The following CPED1 variants were observed in gnomAD, a reference collection of about 807,000 sequenced individuals.
CPED1 encodes cadherin like and PC-esterase domain containing 1, also known as cadherin-like and PC-esterase domain-containing protein 1.
In CPED1, 114 loss-of-function variants were observed where a neutral mutation model predicts 128.2. The ratio of observed to expected loss-of-function variants is 0.89; its 90% CI spans 0.76 to 1.04. The LOEUF (loss-of-function observed/expected upper bound fraction) is 1.04. CPED1 is among the 50% of genes least tolerant of loss of function. The pLI, the probability that CPED1 is intolerant of heterozygous loss-of-function variation, is 0.00. For missense variants in CPED1, 1,211 were observed against 1,207.1 expected (o/e 1.00, Z -0.05); for synonymous variants, 462 against 426.7 (o/e 1.08, Z -1.02).
intron 16 of CPED1, among the ~76,000 whole-genome samples, chr7:121,216,866 G>A (rs1441628784): frequency 6.6e-6 from 1 of 152,054 alleles, no homozygotes; most frequent in Non-Finnish European, 1.5e-5. Flanking sequence ...AGGACTTACA[G>A]ACTCCCTGTT....
intron 5 of CPED1, among the ~76,000 whole-genome samples, chr7:121,065,094 G>A (rs1793793086): frequency 6.6e-6 from 1 of 152,118 alleles, no homozygotes; most frequent in African/African-American, 2.4e-5. Flanking sequence ...GTTGAATCAG[G>A]AAACAAATAA....
At chr7:121,272,305 T>A (rs2116757213) in intron 22 of CPED1, among the ~76,000 whole-genome samples, 1 of 152,252 alleles carries the variant, frequency 6.6e-6, no homozygotes, top group South Asian at 2.1e-4. Context: ...AGAGACGGGA[T>A]GCTAAGGACA....
chr7:121,213,001 A>G (rs568106272), intron 16 of CPED1, among the ~76,000 whole-genome samples: 1 of 152,032 alleles, frequency 6.6e-6, no homozygotes, highest in East Asian at 2.0e-4. Flanking sequence ...ATTTGGCCTG[A>G]TTTATGTACA....
chr7:121,247,208 C>T (rs1016340361), intron 18 of CPED1, among the ~76,000 whole-genome samples: 2 of 152,130 alleles, frequency 1.3e-5, no homozygotes, highest in Non-Finnish European at 2.9e-5. Context: ...AGAATAATCC[C>T]GTTGATGTAA....
chr7:121,286,963 G>A (rs943707095), intron 22 of CPED1, among the ~76,000 whole-genome samples: 4 of 152,150 alleles, frequency 2.6e-5, no homozygotes, highest in Admixed American at 2.6e-4. Flanking sequence ...TCTTCACAAG[G>A]TGGCAGGAAG....
Position 121,100,023 on chromosome 7 carries a change from C to T in CPED1, c.847C>T (p.Pro283Ser). The change falls in exon 7 of 23, where the codon CCT becomes TCT. Residue 283 changes from proline (P) to serine (S), a missense_variant. By Grantham distance (74) the Pro-to-Ser change is moderately conservative. Coordinates refer to ENST00000310396, the MANE Select transcript of CPED1 (RefSeq NM_024913.5). ...GTATGTGTTGGTGACGTCCTTAACC[C>T]CTTTGCGTGCATTCATTCATTCGAC... ...KAYVLVTSLTPLRAFIHSTGT... is the reference protein window; with the variant it reads ...KAYVLVTSLTSLRAFIHSTGT... 6.2e-7 allele frequency: 1 copy of T among 1,613,566 alleles called. No homozygotes were observed. Among genetic ancestry groups the T allele is most frequent in the South Asian group, 1.1e-5 (1 of 91,044 alleles).
At chr7:121,035,435 T>C (rs891996014) in intron 3 of CPED1, among the ~76,000 whole-genome samples, 2 of 152,122 alleles carry the variant, frequency 1.3e-5, no homozygotes, top group Non-Finnish European at 2.9e-5. Context: ...TTCAAATTGA[T>C]GGTGTTTGAA....
intron 3 of CPED1, among the ~76,000 whole-genome samples, chr7:121,027,669 C>T (rs1792624866): frequency 6.6e-6 from 1 of 151,664 alleles, no homozygotes; most frequent in South Asian, 2.1e-4. Flanking sequence ...AACATTCTTT[C>T]AGATTTCATC....
intron 4 of CPED1, among the ~76,000 whole-genome samples, chr7:121,053,076 A>T (rs1007160384): frequency 6.6e-6 from 1 of 152,162 alleles, no homozygotes; most frequent in Admixed American, 6.5e-5. Context: ...AAATAATACA[A>T]AGATTTTTCC....
chr7:120,999,381 A>G (rs796770349), intron 2 of CPED1, among the ~76,000 whole-genome samples: 9 of 152,256 alleles, frequency 5.9e-5, no homozygotes, highest in African/African-American at 1.9e-4. Flanking sequence ...TAGCCTATAA[A>G]CATTCTCAAG....
intron 10 of CPED1, 80 bp downstream of exon 10, chr7:121,127,337 A>T: frequency 1.1e-6 from 1 of 876,254 alleles, no homozygotes; most frequent in Non-Finnish European, 1.8e-6. Context: ...TCTGCAATTC[A>T]GCAACTTGAT....
At chr7:121,276,451 G>A (rs1488914997) in intron 22 of CPED1, among the ~76,000 whole-genome samples, 2 of 152,002 alleles carry the variant, frequency 1.3e-5, no homozygotes, top group African/African-American at 4.8e-5. Flanking sequence ...TTGTGGTCCA[G>A]TTCTTGAACT....
At chr7:121,261,754 A>G in intron 18 of CPED1, 1 of 1,564,094 alleles carries the variant, frequency 6.4e-7, no homozygotes, top group Non-Finnish European at 8.7e-7. Flanking sequence ...AATCACCTGG[A>G]CTATTTTTCT....
intron 3 of CPED1, among the ~76,000 whole-genome samples, chr7:121,034,928 A>G (rs976444673): frequency 4.6e-5 from 7 of 152,324 alleles, no homozygotes; most frequent in African/African-American, 1.7e-4. Flanking sequence ...TTTTGGGAGA[A>G]CAGAAAAGGA....
intron 18 of CPED1, among the ~76,000 whole-genome samples, chr7:121,262,790 C>G (rs1792047045): frequency 6.6e-6 from 1 of 152,004 alleles, no homozygotes; most frequent in African/African-American, 2.4e-5. Context: ...GAATAGGAAT[C>G]ATATAACTGA....
intron 16 of CPED1, among the ~76,000 whole-genome samples, chr7:121,173,194 C>T (rs1796694226): frequency 6.6e-6 from 1 of 152,056 alleles, no homozygotes; most frequent in African/African-American, 2.4e-5. Flanking sequence ...TTTACATCTC[C>T]ATACTCATTT....
chr7:121,289,689 A>T (rs534111034), intron 22 of CPED1, among the ~76,000 whole-genome samples: 30 of 152,294 alleles, frequency 2.0e-4, no homozygotes, highest in Admixed American at 9.8e-4. Context: ...AAATTATGTA[A>T]GCTAGAATTA....
rs780444648 is a variant in CPED1 at position 121,125,805 on chromosome 7, G to A, written c.1062-15G>A. 4.4e-6 allele frequency: 7 copies of A among 1,593,224 alleles called. No homozygotes were observed. In the East Asian group the frequency reaches 1.6e-4, roughly 36 times the overall value. ...TGTATCTTTACTTTTATGGTACCTTGTGTTTTCATTTTAGATGCAGATTCT... is the reference window on the plus strand; with the variant it reads ...TGTATCTTTACTTTTATGGTACCTTATGTTTTCATTTTAGATGCAGATTCT... On this transcript the variant is annotated splice_polypyrimidine_tract_variant and intron_variant, in intron 8 of 22. Transcript: ENST00000310396.
intron 7 of CPED1, among the ~76,000 whole-genome samples, chr7:121,117,077 T>TTATATATATATATACACATTATATATA (rs1795260726): frequency 7.8e-6 from 1 of 128,804 alleles, no homozygotes; most frequent in Non-Finnish European, 1.6e-5. Context: ...TATATACACA[T>TTATATATATATATACACATTATATATA]TATATATATA....
Sources: gnomAD v4.1 joint callset for allele counts (sites outside exome capture counted in the v4.1 genomes callset) on GRCh38, gnomAD v4.1.1 for gene constraint, MANE v1.5 for transcripts, NCBI Gene and HGNC (gene_info 2026-07-23, HGNC 2026-07-21) for gene names.